Variants in MYO16 observed in about 807,000 individuals in gnomAD.
The protein encoded by MYO16 is myosin XVI.
A neutral mutation model predicts 205.3 loss-of-function variants in MYO16; 94 were observed. The ratio of observed to expected loss-of-function variants is 0.46; its 90% CI spans 0.39 to 0.54. The LOEUF (loss-of-function observed/expected upper bound fraction) is 0.54. MYO16 is among the 20% of genes least tolerant of loss of function. The probability of loss-of-function intolerance (pLI) is 0.00; values close to 1 mark genes in which losing one functional copy is unlikely to be tolerated. For synonymous variants in MYO16, 988 were observed against 954.0 expected, an observed-to-expected ratio of 1.04 and a Z score of -0.66; for missense variants, 2,315 against 2,387.5, an observed-to-expected ratio of 0.97 and a Z score of 0.63.
At chr13:108,506,235 G>C in the MYO16 span, among the ~76,000 whole-genome samples, 1 of 151,940 alleles carries the variant, frequency 6.6e-6, no homozygotes, top group African/African-American at 2.4e-5. Context: ...TGTTGAATTT[G>C]TGTCTTACTT....
intron 9 of MYO16, among the ~76,000 whole-genome samples, chr13:108,840,850 T>A (rs1877207325): frequency 6.6e-6 from 1 of 152,208 alleles, no homozygotes; most frequent in South Asian, 2.1e-4. Context: ...AAAAATTATT[T>A]GGAAGATTTT....
chr13:109,175,549 A>C (rs1879132004), intron 33 of MYO16, among the ~76,000 whole-genome samples: 1 of 152,198 alleles, frequency 6.6e-6, no homozygotes. Context: ...TTGGGCAAGA[A>C]TGGCTTTTTG....
At chr13:108,941,444 A>AG (rs2139315533) in intron 16 of MYO16, among the ~76,000 whole-genome samples, 1 of 152,232 alleles carries the variant, frequency 6.6e-6, no homozygotes, top group South Asian at 2.1e-4. Context: ...TGGGAGGCCG[A>AG]GGCGGGTGGA....
intron 21 of MYO16, among the ~76,000 whole-genome samples, chr13:108,994,332 CACAT>C (rs957663268): frequency 2.1e-4 from 31 of 146,772 alleles, no homozygotes; most frequent in Non-Finnish European, 2.3e-4. Flanking sequence ...CACACACACA[CACAT>C]ATATATATAT....
chr13:109,055,880 T>C lies in MYO16; in HGVS notation c.3335+285T>C. On this transcript the variant is annotated intron_variant, in intron 27 of 34. Transcript: ENST00000457511. The surrounding 1 kb of genome is among the most constrained non-coding windows in gnomAD (Gnocchi z 5.0). ...TTGGATTAAAGTTTTGTAAAATGAT[T>C]GCATGTGATATTTACTATTTATTAT... is the stretch of plus-strand genomic sequence containing the variant. The C allele has an allele frequency of 3.7e-6, 1 of 273,564 alleles. No individual in the cohort carries two copies. Among genetic ancestry groups the C allele is most frequent in the Non-Finnish European group, 6.9e-6 (1 of 143,938 alleles). The allele number at this position is 273,564 out of a possible 1,614,324, so 16.9% of individuals were successfully genotyped here. A position where few individuals can be genotyped will look rare whatever the true frequency, so the allele number is the denominator to read the frequency against.
At chr13:108,496,245 C>G in the MYO16 span, among the ~76,000 whole-genome samples, 2 of 152,216 alleles carry the variant, frequency 1.3e-5, no homozygotes, top group Non-Finnish European at 2.9e-5. Flanking sequence ...TGGACCTACC[C>G]CAGAAGGAGG....
intron 27 of MYO16, among the ~76,000 whole-genome samples, chr13:109,098,312 T>C (rs1446245099): frequency 2.0e-5 from 3 of 152,242 alleles, no homozygotes; most frequent in African/African-American, 7.2e-5. Flanking sequence ...CAATGAGAAG[T>C]AAGTTTTGTT....
chr13:108,642,311 T>C (rs957676336), intron 1 of MYO16, among the ~76,000 whole-genome samples: 1 of 152,224 alleles, frequency 6.6e-6, no homozygotes, highest in Non-Finnish European at 1.5e-5. Context: ...AACCCCAGTC[T>C]GCAGTCTAGT....
intron 10 of MYO16, among the ~76,000 whole-genome samples, chr13:108,853,957 T>TGGGGGG (rs1256032545): frequency 1.8e-5 from 2 of 109,742 alleles, no homozygotes; most frequent in African/African-American, 8.5e-5. Flanking sequence ...TCTATTATTG[T>TGGGGGG]GTGTGTGTGT....
chr13:108,814,970 G>A (rs917996313), intron 7 of MYO16, among the ~76,000 whole-genome samples: 1 of 152,102 alleles, frequency 6.6e-6, no homozygotes, highest in African/African-American at 2.4e-5. Flanking sequence ...GGTTAGGAAA[G>A]GAGAAAGGAT....
At chr13:108,985,315 C>G (rs1884589566) in intron 20 of MYO16, among the ~76,000 whole-genome samples, 1 of 152,176 alleles carries the variant, frequency 6.6e-6, no homozygotes, top group Admixed American at 6.5e-5. Flanking sequence ...TCCATCCCTC[C>G]TTGACAACAT....
intron 34 of MYO16, among the ~76,000 whole-genome samples, chr13:109,189,897 C>T (rs1005748366): frequency 7.3e-5 from 11 of 150,354 alleles, no homozygotes; most frequent in African/African-American, 2.5e-4. Context: ...CGTTTTGATT[C>T]CCTACCACGA....
At chr13:109,133,957 A>T (rs926180396) in intron 31 of MYO16, among the ~76,000 whole-genome samples, 2 of 152,192 alleles carry the variant, frequency 1.3e-5, no homozygotes, top group Non-Finnish European at 1.5e-5. Context: ...TTTAATTGTT[A>T]TGGAGTAGAA....
chr13:108,896,693 G>A lies in MYO16; in HGVS notation c.1660-1323G>A, dbSNP rs79832221. 5.8e-3 allele frequency among the ~76,000 whole-genome samples: 876 copies of A among 152,124 alleles called. 4 individuals are homozygous for A. Among genetic ancestry groups the A allele is most frequent in the Non-Finnish European group, 0.011 (729 of 68,016 alleles). On this transcript the variant is annotated intron_variant, in intron 14 of 34. Coordinates refer to ENST00000457511, the MANE Select transcript of MYO16 (RefSeq NM_001198950.3). Reference sequence around the variant, plus strand: ...AAAAGTGGGATCAAAGCAGCCGCGCGTGGTGGCTCATGCCTGTAATGCCAG... The same window carrying A: ...AAAAGTGGGATCAAAGCAGCCGCGCATGGTGGCTCATGCCTGTAATGCCAG...
At chr13:108,636,253 A>G (rs1594162942) in intron 1 of MYO16, among the ~76,000 whole-genome samples, 1 of 151,856 alleles carries the variant, frequency 6.6e-6, no homozygotes. Flanking sequence ...TCTCCTGATT[A>G]GTGTTCATGA....
At chr13:108,864,918 A>T (rs1265832412) in intron 11 of MYO16, among the ~76,000 whole-genome samples, 1 of 152,124 alleles carries the variant, frequency 6.6e-6, no homozygotes, top group Admixed American at 6.5e-5. Context: ...TCACATAGTT[A>T]TCTTTTTCTT....
At chr13:109,136,409 C>T (rs996646466) in intron 31 of MYO16, among the ~76,000 whole-genome samples, 1 of 152,130 alleles carries the variant, frequency 6.6e-6, no homozygotes, top group African/African-American at 2.4e-5. Flanking sequence ...CATTTCTTAA[C>T]ATTCAAATTA....
chr13:108,991,312 T>A (rs1392194568), intron 20 of MYO16, among the ~76,000 whole-genome samples: 1 of 152,164 alleles, frequency 6.6e-6, no homozygotes, highest in African/African-American at 2.4e-5. Context: ...CTCAGACATT[T>A]GAGATTTTTA....
chr13:108,887,741 C>T lies in MYO16; in HGVS notation c.1554-631C>T, dbSNP rs548256040. On this transcript the variant is annotated intron_variant, in intron 13 of 34. Transcript: ENST00000457511. ...AGCAGGTCAGGTTTAGTAGGATCTG[C>T]GGAATGACAGATCCACATCTGAAGA... is the stretch of plus-strand genomic sequence containing the variant. 9.5e-4 allele frequency among the ~76,000 whole-genome samples: 144 copies of T among 152,254 alleles called. 1 individual carries two copies. The highest frequency in any genetic ancestry group is 3.3e-3 in the African/African-American group (138 of 41,544).
Sources: allele counts gnomAD v4.1 joint callset (sites outside exome capture counted in the v4.1 genomes callset), GRCh38; gene constraint gnomAD v4.1.1; non-coding constraint Gnocchi (gnomAD v3.1); transcripts MANE v1.5; gene names NCBI Gene and HGNC (gene_info 2026-07-23, HGNC 2026-07-21).